Variants in F8 observed in about 807,000 individuals in gnomAD.
F8 encodes the protein coagulation factor VIII, also known as antihemophilic factor.
Under a neutral mutation model 140.6 loss-of-function variants are expected in F8, and 12 were observed. The ratio of observed to expected loss-of-function variants is 0.09; its 90% confidence interval spans 0.05 to 0.14. The LOEUF (loss-of-function observed/expected upper bound fraction) is 0.14. Among genes scored for constraint, F8 ranks in the 10% least tolerant of loss-of-function variants. The pLI is 1.00. For missense variants in F8, 1,354 were observed against 1,720.7 expected, an observed-to-expected ratio of 0.79 and a Z score of 3.77; for synonymous variants, 585 against 614.6, an observed-to-expected ratio of 0.95 and a Z score of 0.71.
chrX:154,919,751 C>T lies in F8; in HGVS notation c.5219+8820G>A, dbSNP rs5987056. The T allele has an allele frequency of 4.4e-3, 1,399 of 319,805 alleles. 18 individuals are homozygous for T. Among genetic ancestry groups the T allele is most frequent in the African/African-American group, 0.036 (1,300 of 36,500 alleles). 26.4% of individuals were successfully genotyped at this position (319,805 alleles called of 1,213,427 possible). On this transcript the variant is annotated intron_variant, in intron 14 of 25. Coordinates refer to ENST00000360256, the MANE Select transcript of F8 (RefSeq NM_000132.4). The stretch of plus-strand genomic sequence containing the variant: ...TACTGAAGCACTCGGCCCATGGCCT[C>T]ACAATATTTAGCAACTACCACAGCT...
chrX:154,848,277 ACT>A (rs1321537963), intron 25 of F8, among the ~76,000 whole-genome samples: 3 of 111,789 alleles, frequency 2.7e-5, no homozygotes, highest in Non-Finnish European at 3.8e-5. Context: ...CAGATCACAA[ACT>A]CTGTGCTGGG....
At chrX:154,915,756 G>A (rs982120458) in intron 14 of F8, among the ~76,000 whole-genome samples, 4 of 111,675 alleles carry the variant, frequency 3.6e-5, no homozygotes, top group Middle Eastern at 4.6e-3. Flanking sequence ...ACATTATATC[G>A]TCTACAAACA....
intron 1 of F8, among the ~76,000 whole-genome samples, chrX:155,020,196 T>C (rs1297392164): frequency 8.9e-6 from 1 of 111,938 alleles, no homozygotes; most frequent in African/African-American, 3.2e-5. Context: ...AATAGTAGAT[T>C]AGTGAAACAG....
Position 154,987,228 on chromosome X carries a change from C to T in F8, c.670+9G>A. On this transcript the variant is annotated intron_variant, in intron 5 of 25. Transcript: ENST00000360256. The stretch of plus-strand genomic sequence containing the variant: ...CAGGAATCCAAAATTCAGATTAAGA[C>T]TCACTAACCTTCATCAAATACAGCA... The T allele has an allele frequency of 2.5e-6, 3 of 1,198,019 alleles. No homozygotes were observed. The highest frequency in any genetic ancestry group is 3.4e-6 in the Non-Finnish European group (3 of 883,328).
chrX:154,948,809 A>G (rs963588165), intron 12 of F8, among the ~76,000 whole-genome samples: 5 of 112,070 alleles, frequency 4.5e-5, no homozygotes, highest in Non-Finnish European at 9.4e-5. Flanking sequence ...ATACTTAGAC[A>G]TTGGCTTAGT....
At chrX:154,970,657 A>G (rs1432282114) in intron 6 of F8, among the ~76,000 whole-genome samples, 2 of 111,656 alleles carry the variant, frequency 1.8e-5, no homozygotes, top group Non-Finnish European at 3.8e-5. Context: ...TAAGGACTAG[A>G]AGGCCCCAAT....
chrX:154,849,336 A>G (rs1162279750), intron 25 of F8, among the ~76,000 whole-genome samples: 1 of 111,446 alleles, frequency 9.0e-6, no homozygotes, highest in Non-Finnish European at 1.9e-5. Flanking sequence ...TTTTTCTGCT[A>G]TCAATAGAGC....
chrX:154,929,695 A>G lies in F8; in HGVS notation c.4095T>C (p.His1365=). 8.3e-7 allele frequency: 1 copy of G among 1,209,039 alleles called. No homozygotes were observed. The highest frequency in any genetic ancestry group is 1.7e-5 in the African/African-American group (1 of 57,524). Residue 1365 remains histidine (H), a synonymous_variant, in exon 14 of 26, where the codon CAT becomes CAC. Transcript: ENST00000360256. ...TCTGTGTGAGGGTGCTCGGGGTCAA[A>G]TGTTTCATGTTTTTGGACCACTGGG... ...TSTQWSKNMK[H]LTPSTLTQID...
Position 154,924,852 on chromosome X carries a change from C to T in F8, c.5219+3719G>A, listed in dbSNP as rs2073151548. On this transcript the variant is annotated intron_variant, in intron 14 of 25. Coordinates refer to ENST00000360256, the MANE Select transcript of F8 (RefSeq NM_000132.4). The stretch of plus-strand genomic sequence containing the variant: ...GTACCCTATGAAGCCACAGCCTGAG[C>T]TCTACATTGACCCCTTTCAGCCATG... Among the ~76,000 whole-genome samples the T allele has an allele frequency of 2.7e-5, 3 of 112,539 alleles. No homozygotes were observed. In the Admixed American group the frequency reaches 2.8e-4, roughly 11 times the overall value.
chrX:154,993,336 C>G (rs1166729541), intron 3 of F8, among the ~76,000 whole-genome samples, 188 bp from the exon 4 acceptor site: 1 of 111,862 alleles, frequency 8.9e-6, no homozygotes, highest in Non-Finnish European at 1.9e-5. Flanking sequence ...CTCACAGCAA[C>G]GTCCGCCTCC....
intron 3 of F8, among the ~76,000 whole-genome samples, chrX:154,996,182 G>A (rs941730693): frequency 9.0e-6 from 1 of 111,715 alleles, no homozygotes; most frequent in Non-Finnish European, 1.9e-5. Context: ...TAGCCAAGCC[G>A]AGACCCTCCA....
At chrX:154,861,047 TTCTC>T (rs782711069) in intron 24 of F8, among the ~76,000 whole-genome samples, 4 of 106,673 alleles carry the variant, frequency 3.7e-5, no homozygotes, top group Non-Finnish European at 5.8e-5. Context: ...TTTCCTTTCT[TTCTC>T]TCTCTCTCTC....
intron 25 of F8, among the ~76,000 whole-genome samples, chrX:154,838,866 A>C (rs1487850221): frequency 9.0e-6 from 1 of 110,694 alleles, no homozygotes; most frequent in Non-Finnish European, 1.9e-5. Flanking sequence ...CTAGGTTCCC[A>C]ACCCTGGCTG....
intron 21 of F8, chrX:154,897,925 A>G (rs1289809360): frequency 8.9e-6 from 1 of 112,470 alleles, no homozygotes; most frequent in Admixed American, 9.4e-5. Flanking sequence ...CCTCTTCTAC[A>G]TTATAATTGG....
intron 21 of F8, among the ~76,000 whole-genome samples, chrX:154,897,105 A>T (rs1396666411): frequency 4.4e-5 from 5 of 112,584 alleles, no homozygotes; most frequent in African/African-American, 1.6e-4. Context: ...CTGGTATAAT[A>T]CTGCTGTATA....
chrX:154,920,518 C>A (rs1048144426), intron 14 of F8, among the ~76,000 whole-genome samples: 8 of 110,976 alleles, frequency 7.2e-5, no homozygotes, highest in African/African-American at 2.6e-4. Context: ...GTGGTGTGAT[C>A]ATTGCTTACT....
At chrX:154,893,181 C>T (rs1038646432) in intron 22 of F8, among the ~76,000 whole-genome samples, 1 of 112,198 alleles carries the variant, frequency 8.9e-6, no homozygotes, top group Non-Finnish European at 1.9e-5. Context: ...TCCTGCCTTT[C>T]CAAACTCAAT....
intron 10 of F8, among the ~76,000 whole-genome samples, chrX:154,958,922 T>C (rs2073380185): frequency 9.0e-6 from 1 of 111,158 alleles, no homozygotes; most frequent in South Asian, 3.8e-4. Flanking sequence ...AGCGGGAAAA[T>C]TTTTATAACC....
chrX:154,928,420 C>G, intron 14 of F8, 151 bp downstream of exon 14: 1 of 529,178 alleles, frequency 1.9e-6, no homozygotes, highest in Admixed American at 3.1e-5. Context: ...TTCCTCTACC[C>G]TCTTGTAAAC....
Sources: allele counts gnomAD v4.1 joint callset (sites outside exome capture counted in the v4.1 genomes callset), GRCh38; gene constraint gnomAD v4.1.1; transcripts MANE v1.5; gene names NCBI Gene and HGNC (gene_info 2026-07-23, HGNC 2026-07-21).